ST6GALNAC5: variants seen among roughly 807,000 people sequenced by gnomAD.
The protein encoded by ST6GALNAC5 is ST6 N-acetylgalactosaminide alpha-2,6-sialyltransferase 5.
In ST6GALNAC5, 27 loss-of-function variants were observed where a neutral mutation model predicts 33.6. The ratio of observed to expected loss-of-function variants is 0.80; its 90% confidence interval spans 0.59 to 1.11. ST6GALNAC5 has a LOEUF of 1.11. Among genes scored for constraint, ST6GALNAC5 ranks in the 50% least tolerant of loss-of-function variants. The pLI is 0.00. For missense variants in ST6GALNAC5, 428 were observed against 454.0 expected, an observed-to-expected ratio of 0.94 and a Z score of 0.52; for synonymous variants, 194 against 171.2, an observed-to-expected ratio of 1.13 and a Z score of -1.04.
chr1:77,016,767 T>A (rs979576314), intron 2 of ST6GALNAC5, among the ~76,000 whole-genome samples: 5 of 152,162 alleles, frequency 3.3e-5, no homozygotes, highest in Non-Finnish European at 4.4e-5. Flanking sequence ...AATAACATGG[T>A]TCTCAAGCCT....
intron 2 of ST6GALNAC5, among the ~76,000 whole-genome samples, chr1:76,998,538 G>A (rs903631530): frequency 4.6e-5 from 7 of 152,312 alleles, no homozygotes; most frequent in Non-Finnish European, 7.3e-5. Context: ...CTGGAAAAGA[G>A]ATTAATTATG....
intron 2 of ST6GALNAC5, among the ~76,000 whole-genome samples, chr1:77,027,799 T>A (rs1161957218): frequency 6.6e-6 from 1 of 152,190 alleles, no homozygotes; most frequent in Non-Finnish European, 1.5e-5. Context: ...GTGGAAAATC[T>A]CATTAGGAAT....
At chr1:77,037,775 G>A (rs1651699959) in intron 2 of ST6GALNAC5, among the ~76,000 whole-genome samples, 1 of 152,140 alleles carries the variant, frequency 6.6e-6, no homozygotes, top group Non-Finnish European at 1.5e-5. Flanking sequence ...ACAAGACAAT[G>A]GGGGCTTAGA....
intron 2 of ST6GALNAC5, among the ~76,000 whole-genome samples, chr1:77,010,334 A>C (rs1441381790): frequency 6.6e-6 from 1 of 152,014 alleles, no homozygotes; most frequent in Non-Finnish European, 1.5e-5. Flanking sequence ...ATCTCTACTA[A>C]AAATACAAAA....
intron 3 of ST6GALNAC5, among the ~76,000 whole-genome samples, chr1:77,045,966 G>A (rs187836577): frequency 1.2e-4 from 19 of 152,314 alleles, no homozygotes; most frequent in Non-Finnish European, 1.8e-4. Flanking sequence ...GTGACCTTAC[G>A]TGTGAAAAGG....
chr1:77,044,377 G>T lies in ST6GALNAC5; in HGVS notation c.435G>T (p.Ala145=), dbSNP rs141919115. The change falls in exon 3 of 5, where the codon GCG becomes GCT. Residue 145 remains alanine, a synonymous_variant. Coordinates refer to ENST00000477717, the MANE Select transcript of ST6GALNAC5 (RefSeq NM_030965.3). ...ATCGCACCAGCCTGAGGGTCATCGC[G>T]CATTCCAGCATCCAGAGGATCCTCC... ...VGNRTSLRVI[A]HSSIQRILRN... 6.2e-7 allele frequency: 1 copy of T among 1,613,782 alleles called. No homozygotes were observed. Among genetic ancestry groups the T allele is most frequent in the Non-Finnish European group, 8.5e-7 (1 of 1,179,962 alleles).
intron 2 of ST6GALNAC5, among the ~76,000 whole-genome samples, chr1:77,019,654 C>T (rs866552685): frequency 9.8e-5 from 15 of 152,312 alleles, no homozygotes; most frequent in African/African-American, 3.6e-4. Context: ...AGGCCTGAGT[C>T]CTTTGTTCAT....
Position 76,868,869 on chromosome 1 carries a change from C to T in ST6GALNAC5, c.261+127C>T. On this transcript the variant is annotated intron_variant, in intron 2 of 4. Coordinates refer to ENST00000477717, the MANE Select transcript of ST6GALNAC5 (RefSeq NM_030965.3). The surrounding 1 kb of genome is among the most constrained non-coding windows in gnomAD (Gnocchi z 4.3). ...CGTTCGAAGGCTGGAGGGGAGTGGA[C>T]CCGCTGGGGTAGGGTGGGCTAGTTC... 1 of 1,378,944 alleles carries T rather than the reference C, an allele frequency of 7.3e-7. No individual in the cohort carries two copies. The highest frequency in any genetic ancestry group is 9.4e-7 in the Non-Finnish European group (1 of 1,058,262). 85.4% of individuals were successfully genotyped at this position (1,378,944 alleles called of 1,614,324 possible). A position where few individuals can be genotyped will look rare whatever the true frequency, so the allele number is the denominator to read the frequency against.
At chr1:76,905,427 C>G (rs1646855929) in intron 2 of ST6GALNAC5, among the ~76,000 whole-genome samples, 1 of 152,090 alleles carries the variant, frequency 6.6e-6, no homozygotes, top group Admixed American at 6.6e-5. Flanking sequence ...TGTGAGACAC[C>G]CTCCCCTTAA....
intron 2 of ST6GALNAC5, among the ~76,000 whole-genome samples, chr1:76,896,029 C>T (rs953437758): frequency 6.6e-6 from 1 of 152,106 alleles, no homozygotes; most frequent in African/African-American, 2.4e-5. Context: ...TTCCTGAAGG[C>T]AGAGGACTGT....
intron 2 of ST6GALNAC5, among the ~76,000 whole-genome samples, chr1:76,995,150 C>A (rs1649880255): frequency 6.6e-6 from 1 of 152,094 alleles, no homozygotes; most frequent in South Asian, 2.1e-4. Context: ...GTAATCCCAG[C>A]ACTTTAGGAA....
At chr1:76,892,927 G>GTA (rs1229199301) in intron 2 of ST6GALNAC5, among the ~76,000 whole-genome samples, 3 of 152,140 alleles carry the variant, frequency 2.0e-5, no homozygotes, top group African/African-American at 7.2e-5. Context: ...CCTCAAAGCT[G>GTA]TACATCCCTC....
At chr1:77,019,947 A>G (rs7520919) in intron 2 of ST6GALNAC5, among the ~76,000 whole-genome samples, 9,278 of 152,270 alleles carry the variant, frequency 0.061, 339 homozygotes, top group Middle Eastern at 0.11. Context: ...AACTCCAGAT[A>G]CACAGCCACA....
rs1023670974 is a variant in ST6GALNAC5, at chr1:76,868,263, C to A, written c.16-234C>A. Among the ~76,000 whole-genome samples the A allele has an allele frequency of 7.2e-5, 11 of 152,060 alleles. No homozygotes were observed. Among genetic ancestry groups the A allele is most frequent in the Non-Finnish European group, 1.3e-4 (9 of 67,984 alleles). ...CCCGGGGCCGTACACCACCTGCCCT[C>A]TACCGAGAGATCTGGGCGGCGGCGG... is the stretch of plus-strand genomic sequence containing the variant. On this transcript the variant is annotated intron_variant, in intron 1 of 4. Coordinates refer to ENST00000477717, the MANE Select transcript of ST6GALNAC5 (RefSeq NM_030965.3). The surrounding 1 kb of genome is among the most constrained non-coding windows in gnomAD (Gnocchi z 4.3).
chr1:76,894,329 CG>C (rs2100254053), intron 2 of ST6GALNAC5, among the ~76,000 whole-genome samples: 1 of 152,224 alleles, frequency 6.6e-6, no homozygotes, highest in East Asian at 1.9e-4. Context: ...TTGCAGTGTA[CG>C]GCATGTACAC....
rs1372852334 is a variant in ST6GALNAC5 at position 76,867,655 on chromosome 1, T to C, written c.-21T>C. 3 of 1,614,000 alleles carry C rather than the reference T, an allele frequency of 1.9e-6. No homozygotes were observed. Among genetic ancestry groups the C allele is most frequent in the Non-Finnish European group, 8.5e-7 (1 of 1,180,012 alleles). On this transcript the variant is annotated 5_prime_UTR_variant, in exon 1 of 5. Transcript: ENST00000477717. ...CCCGGACGCGCGAGCCTGAGGATTCTGCACAAAAGAGGTGCCCAAAATGAA... is the reference window on the plus strand; with the variant it reads ...CCCGGACGCGCGAGCCTGAGGATTCCGCACAAAAGAGGTGCCCAAAATGAA...
chr1:76,926,675 C>A (rs182019705), intron 2 of ST6GALNAC5, among the ~76,000 whole-genome samples: 1 of 152,144 alleles, frequency 6.6e-6, no homozygotes, highest in Non-Finnish European at 1.5e-5. Flanking sequence ...TGTGCTTAAC[C>A]TAATAGCTCC....
chr1:76,963,487 T>G (rs569534626), intron 2 of ST6GALNAC5, among the ~76,000 whole-genome samples: 22 of 152,270 alleles, frequency 1.4e-4, no homozygotes, highest in African/African-American at 4.8e-4. Flanking sequence ...ACATGGGGAC[T>G]AAGGAAGACA....
intron 2 of ST6GALNAC5, among the ~76,000 whole-genome samples, chr1:77,042,703 T>C (rs910866151): frequency 6.6e-6 from 1 of 152,244 alleles, no homozygotes; most frequent in African/African-American, 2.4e-5. Flanking sequence ...GACAATCCTA[T>C]GCTAAAGGTT....
Sources: gnomAD v4.1 joint callset for allele counts (sites outside exome capture counted in the v4.1 genomes callset) on GRCh38, gnomAD v4.1.1 for gene constraint, Gnocchi (gnomAD v3.1) non-coding constraint, MANE v1.5 for transcripts, NCBI Gene and HGNC (gene_info 2026-07-23, HGNC 2026-07-21) for gene names.